The following NIBAN1 variants were observed in gnomAD, a reference collection of about 807,000 sequenced individuals.
The protein encoded by NIBAN1 is niban apoptosis regulator 1.
In NIBAN1, 81 loss-of-function variants were observed where a neutral mutation model predicts 75.1. The ratio of observed to expected loss-of-function variants is 1.08; its 90% confidence interval spans 0.90 to 1.30. NIBAN1 has a LOEUF of 1.30. NIBAN1 is among the 50% of genes most tolerant of loss of function. The pLI is 0.00. For missense variants in NIBAN1, 1,133 were observed against 1,128.1 expected (o/e 1.00, Z -0.06); for synonymous variants, 436 against 424.8 (o/e 1.03, Z -0.32).
chr1:184,861,171 G>A (rs910760091), intron 5 of NIBAN1, among the ~76,000 whole-genome samples: 3 of 152,128 alleles, frequency 2.0e-5, no homozygotes, highest in African/African-American at 7.2e-5. Flanking sequence ...AAATGGTGTG[G>A]CTGTGTTCCA....
chr1:184,855,665 A>G (rs1355447566), intron 5 of NIBAN1, among the ~76,000 whole-genome samples: 2 of 152,172 alleles, frequency 1.3e-5, no homozygotes, highest in African/African-American at 4.8e-5. Flanking sequence ...GTCATGCTAC[A>G]TAATTTCTTT....
rs1255942553 is a variant in NIBAN1 at position 184,823,232 on chromosome 1, C to T, written c.920G>A (p.Gly307Glu). ...CTGATCCATGTCAGAACGGATCGTT[C>T]CTTCCAGGCCCTTTGTCAGAGCTCT... ...ECRALTKGLE[G>E]TIRSDMDQIV... The change falls in exon 8 of 14, where the codon GGA (glycine) becomes GAA (glutamate). Residue 307 changes from glycine to glutamate, a missense_variant. Transcript: ENST00000367511. 1.2e-6 allele frequency: 2 copies of T among 1,614,106 alleles called. No homozygotes were observed. Among genetic ancestry groups the T allele is most frequent in the East Asian group, 2.2e-5 (1 of 44,898 alleles).
intron 5 of NIBAN1, among the ~76,000 whole-genome samples, chr1:184,860,961 G>A (rs1012540871): frequency 6.6e-6 from 1 of 152,132 alleles, no homozygotes; most frequent in Non-Finnish European, 1.5e-5. Context: ...CAAAGTCCAC[G>A]GCCCACCCTA....
intron 1 of NIBAN1, among the ~76,000 whole-genome samples, chr1:184,957,958 C>T (rs982161777): frequency 1.3e-5 from 2 of 152,180 alleles, no homozygotes; most frequent in Non-Finnish European, 2.9e-5. Context: ...GCAAAGGCTG[C>T]TTTGGGCTAT....
chr1:184,884,519 T>G, intron 5 of NIBAN1, 114 bp downstream of exon 5: 1 of 1,388,812 alleles, frequency 7.2e-7, no homozygotes, highest in South Asian at 1.4e-5. Flanking sequence ...GCCACCGCAC[T>G]TGGCTCATCT....
intron 2 of NIBAN1, among the ~76,000 whole-genome samples, chr1:184,895,193 G>A (rs1433291772): frequency 1.3e-5 from 2 of 152,030 alleles, no homozygotes; most frequent in African/African-American, 4.8e-5. Flanking sequence ...CAGATAATGC[G>A]GCAGTCCCCT....
rs1656737356 is a variant in NIBAN1, at chr1:184,894,057, A to T, written c.318+18T>A. 6.3e-7 allele frequency: 1 copy of T among 1,586,806 alleles called. No homozygotes were observed. The highest frequency in any genetic ancestry group is 1.4e-5 in the African/African-American group (1 of 73,636). ...TAAGAACAGTGTAAGAATCAGTAGTAACAAAGAAGTGTCTTACCTCTTTAT... is the reference window on the plus strand; with the variant it reads ...TAAGAACAGTGTAAGAATCAGTAGTTACAAAGAAGTGTCTTACCTCTTTAT... On this transcript the variant is annotated intron_variant, in intron 3 of 13. Coordinates refer to ENST00000367511, the MANE Select transcript of NIBAN1 (RefSeq NM_052966.4).
chr1:184,809,633 G>GTGTGTGTATATATATATACACATATATA (rs1557872469), intron 9 of NIBAN1, among the ~76,000 whole-genome samples: 1 of 126,292 alleles, frequency 7.9e-6, no homozygotes, highest in African/African-American at 5.0e-5. Flanking sequence ...ACATATATAT[G>GTGTGTGTATATATATATACACATATATA]TGTGTGTGTA....
chr1:184,948,283 T>C (rs1658278582), intron 1 of NIBAN1, among the ~76,000 whole-genome samples: 1 of 152,190 alleles, frequency 6.6e-6, no homozygotes, highest in Non-Finnish European at 1.5e-5. Context: ...TCAAAGCATA[T>C]ATGTATTCAT....
At chr1:184,802,587 A>G (rs1038431555) in intron 12 of NIBAN1, among the ~76,000 whole-genome samples, 2 of 152,232 alleles carry the variant, frequency 1.3e-5, no homozygotes, top group African/African-American at 4.8e-5. Context: ...TGAGGATGTG[A>G]AGGAAAACAG....
chr1:184,823,466 T>C lies in NIBAN1; in HGVS notation c.823-137A>G, dbSNP rs1654758981. The stretch of plus-strand genomic sequence containing the variant: ...ACACATTGTAATTTTTCTTTCAAAG[T>C]TGGAGTCTGTTTGGAACAGTCTTCT... On this transcript the variant is annotated intron_variant, in intron 7 of 13. Coordinates refer to ENST00000367511, the MANE Select transcript of NIBAN1 (RefSeq NM_052966.4). 5.2e-6 allele frequency: 7 copies of C among 1,337,060 alleles called. No homozygotes were observed. The Admixed American group carries it at 7.2e-5, about 14-fold the overall frequency. The allele number at this position is 1,337,060 out of a possible 1,614,324, so 82.8% of individuals were successfully genotyped here. A position where few individuals can be genotyped will look rare whatever the true frequency, so the allele number is the denominator to read the frequency against.
chr1:184,791,264 T>G lies in NIBAN1; in HGVS notation c.*3713A>C. On this transcript the variant is annotated 3_prime_UTR_variant, in exon 14 of 14. Transcript: ENST00000367511. ...TGCACCGACTGATACTATTATTAAG[T>G]CAATGATGTCCTTCCCTTCTTCACA... 1 of 248,838 alleles carries G rather than the reference T, an allele frequency of 4.0e-6. No individual in the cohort carries two copies. Among genetic ancestry groups the G allele is most frequent in the East Asian group, 1.1e-4 (1 of 8,810 alleles). 15.4% of individuals were successfully genotyped at this position (248,838 alleles called of 1,614,324 possible).
At chr1:184,823,026 A>G (rs1210685777) in intron 8 of NIBAN1, 141 bp downstream of exon 8, 14 of 964,290 alleles carry the variant, frequency 1.5e-5, no homozygotes, top group Non-Finnish European at 2.0e-5. Context: ...TACCTCCAGC[A>G]TGTTCCTGTT....
intron 5 of NIBAN1, among the ~76,000 whole-genome samples, chr1:184,857,707 T>C (rs944192429): frequency 6.6e-6 from 1 of 152,170 alleles, no homozygotes; most frequent in Non-Finnish European, 1.5e-5. Context: ...CATATGTGTC[T>C]TGAGGTTATC....
rs979006058 is a variant in NIBAN1, at chr1:184,822,212, A to G, written c.985+955T>C. On this transcript the variant is annotated intron_variant, in intron 8 of 13. Coordinates refer to ENST00000367511, the MANE Select transcript of NIBAN1 (RefSeq NM_052966.4). ...CTGCAAGCTTCTCCTCTGAAGTGAC[A>G]CTAGGTCACTAGGTACGGGTGTGTT... Among the ~76,000 whole-genome samples the G allele has an allele frequency of 3.3e-5, 5 of 152,336 alleles. No homozygotes were observed. The East Asian group carries it at 9.7e-4, about 29-fold the overall frequency.
chr1:184,843,695 C>A (rs978239520), intron 5 of NIBAN1, among the ~76,000 whole-genome samples: 1 of 152,156 alleles, frequency 6.6e-6, no homozygotes, highest in African/African-American at 2.4e-5. Context: ...ACAGTGAGTG[C>A]AAAACTATCT....
intron 8 of NIBAN1, 138 bp from the exon 9 acceptor site, chr1:184,818,963 G>A: frequency 1.1e-6 from 1 of 871,794 alleles, no homozygotes; most frequent in Non-Finnish European, 1.7e-6. Context: ...TGACAGACTA[G>A]CACAATGAGC....
At chr1:184,905,909 G>C (rs1395072788) in intron 1 of NIBAN1, among the ~76,000 whole-genome samples, 1 of 152,122 alleles carries the variant, frequency 6.6e-6, no homozygotes, top group Non-Finnish European at 1.5e-5. Context: ...AAAGGAGAAA[G>C]GTACAGTTTT....
intron 2 of NIBAN1, among the ~76,000 whole-genome samples, chr1:184,898,806 G>T (rs950256709): frequency 1.3e-5 from 2 of 152,086 alleles, no homozygotes; most frequent in Non-Finnish European, 2.9e-5. Context: ...CATTTGTCGA[G>T]GTGGTGGTTA....
Sources: allele counts gnomAD v4.1 joint callset (sites outside exome capture counted in the v4.1 genomes callset), GRCh38; gene constraint gnomAD v4.1.1; transcripts MANE v1.5; gene names NCBI Gene and HGNC (gene_info 2026-07-23, HGNC 2026-07-21).